The following CPSF2 variants were observed in gnomAD, a reference collection of about 807,000 sequenced individuals.
CPSF2 encodes the protein cleavage and polyadenylation specific factor 2.
In CPSF2, 51 loss-of-function variants were observed where a neutral mutation model predicts 84.2. That is an observed-to-expected ratio of 0.61 (90% CI 0.48 to 0.77). CPSF2 has a LOEUF of 0.77. Ranked by LOEUF, CPSF2 falls within the 30% of genes least tolerant of loss-of-function variation. CPSF2 has a pLI of 0.00. For synonymous variants in CPSF2, 286 were observed against 311.9 expected (o/e 0.92, Z 0.87); for missense variants, 641 against 929.4 (o/e 0.69, Z 4.03).
chr14:92,152,399 G>A (rs2069232203), intron 9 of CPSF2, among the ~76,000 whole-genome samples: 1 of 152,032 alleles, frequency 6.6e-6, no homozygotes, highest in Admixed American at 6.6e-5. Context: ...ACAGTGCTGG[G>A]ATTACAGGTG....
chr14:92,123,450 G>T (rs2068805458), intron 1 of CPSF2, among the ~76,000 whole-genome samples: 4 of 152,072 alleles, frequency 2.6e-5, no homozygotes. Flanking sequence ...CCAGGCTGGA[G>T]TGCAGTGGTG....
chr14:92,138,462 C>T, intron 7 of CPSF2, 115 bp downstream of exon 7: 1 of 493,402 alleles, frequency 2.0e-6, no homozygotes, highest in South Asian at 4.7e-5. Context: ...CGGACTTTCG[C>T]TCTTTCACCC....
At position 92,123,414 on chromosome 14, in the gene CPSF2, T is replaced by C. The variant is rs117853730; in HGVS notation, c.-94+1286T>C. Reference sequence around the variant, plus strand: ...CCACCGCGCCTGGCCGATTTATTATTTGAGACCGGGTCTCGCTCTGTCCAC... The same window carrying C: ...CCACCGCGCCTGGCCGATTTATTATCTGAGACCGGGTCTCGCTCTGTCCAC... On this transcript the variant is annotated intron_variant, in intron 1 of 15. Coordinates refer to ENST00000298875, the MANE Select transcript of CPSF2 (RefSeq NM_017437.3). Among the ~76,000 whole-genome samples the C allele has an allele frequency of 3.2e-4, 49 of 151,756 alleles. 2 individuals are homozygous for C. The East Asian group carries it at 9.1e-3, about 28-fold the overall frequency.
At position 92,156,503 on chromosome 14, in the gene CPSF2, G is replaced by C. The variant is rs202185025; in HGVS notation, c.1467G>C (p.Glu489Asp). ...GACCAGAGGATTTCTTAGTGCCAGA[G>C]CTTCAAGCTACTGAAGAAGAAAAAA... The part of the protein sequence containing the change: ...IIKPEDFLVP[E>D]LQATEEEKSK... The change falls in exon 12 of 16, where the codon GAG (glutamate) becomes GAC (aspartate). Residue 489 changes from glutamate to aspartate, a missense_variant. Coordinates refer to ENST00000298875, the MANE Select transcript of CPSF2 (RefSeq NM_017437.3). 175 of 1,612,302 alleles carry C rather than the reference G, an allele frequency of 1.1e-4. 3 individuals are homozygous for C. In the East Asian group the frequency reaches 3.7e-3, roughly 34 times the overall value.
chr14:92,157,245 T>TGC lies in CPSF2; in HGVS notation c.1596-413_1596-412dup, dbSNP rs961807896. On this transcript the variant is annotated intron_variant, in intron 12 of 15. Coordinates refer to ENST00000298875, the MANE Select transcript of CPSF2 (RefSeq NM_017437.3). The surrounding 1 kb of genome is among the most constrained non-coding windows in gnomAD (Gnocchi z 4.0). ...AGATAGGGCCGGGCACGGTGGCTGATGCCTGTAATCCCAGCACTTTGGTAG... is the reference window on the plus strand; with the variant it reads ...AGATAGGGCCGGGCACGGTGGCTGATGCGCCTGTAATCCCAGCACTTTGGTAG... Among the ~76,000 whole-genome samples, 52 of 152,260 alleles carry TGC rather than the reference T, an allele frequency of 3.4e-4. No individual in the cohort carries two copies. Among genetic ancestry groups the TGC allele is most frequent in the African/African-American group, 1.3e-3 (52 of 41,546 alleles).
At chr14:92,151,718 A>AT (rs1416086270) in intron 9 of CPSF2, among the ~76,000 whole-genome samples, 2 of 152,150 alleles carry the variant, frequency 1.3e-5, no homozygotes, top group Non-Finnish European at 2.9e-5. Flanking sequence ...TGAGCTAGAC[A>AT]TTAAAGAGAT....
At chr14:92,158,431 C>T (rs2069321177) in intron 13 of CPSF2, among the ~76,000 whole-genome samples, 1 of 152,148 alleles carries the variant, frequency 6.6e-6, no homozygotes, top group Non-Finnish European at 1.5e-5. Flanking sequence ...AGAGTGATGT[C>T]TATATCTGGA....
At chr14:92,147,912 A>T (rs2141471314) in intron 9 of CPSF2, among the ~76,000 whole-genome samples, 2 of 152,248 alleles carry the variant, frequency 1.3e-5, no homozygotes, top group Admixed American at 1.3e-4. Context: ...ATTTATAGAG[A>T]TGGGAACTTG....
rs368250294 is a variant in CPSF2 at position 92,161,178 on chromosome 14, C to T, written c.2188C>T (p.Arg730Trp). 22 of 1,613,662 alleles carry T rather than the reference C, an allele frequency of 1.4e-5. No homozygotes were observed. The highest frequency in any genetic ancestry group is 2.2e-5 in the East Asian group (1 of 44,856). ...GTCAGACTTCAAGCAAGTTCTCTTACGGGAGGGGATTCAAGCTGAATTTGT... is the reference window on the plus strand; with the variant it reads ...GTCAGACTTCAAGCAAGTTCTCTTATGGGAGGGGATTCAAGCTGAATTTGT... ...RLSDFKQVLLREGIQAEFVGG... is the reference protein window; with the variant it reads ...RLSDFKQVLLWEGIQAEFVGG... Residue 730 changes from arginine (R) to tryptophan (W), a missense_variant, in exon 15 of 16, where the codon CGG (arginine) becomes TGG (tryptophan). By Grantham distance (101) the Arg-to-Trp change is moderately radical. Coordinates refer to ENST00000298875, the MANE Select transcript of CPSF2 (RefSeq NM_017437.3).
At chr14:92,156,114 C>T (rs1595065797) in intron 11 of CPSF2, among the ~76,000 whole-genome samples, 1 of 152,094 alleles carries the variant, frequency 6.6e-6, no homozygotes, top group Admixed American at 6.5e-5. Flanking sequence ...ATGGTGAAAC[C>T]ACATCTCCAC....
Position 92,169,539 on chromosome 14 carries a change from A to G in CPSF2, c.*7795A>G, listed in dbSNP as rs1202550496. On this transcript the variant is annotated 3_prime_UTR_variant, in exon 16 of 16. Transcript: ENST00000298875. ...TCACCCATAGGTCATGGTATAGTTGAAATTTCATATTTAAATATCAAAACA... is the reference window on the plus strand; with the variant it reads ...TCACCCATAGGTCATGGTATAGTTGGAATTTCATATTTAAATATCAAAACA... The G allele has an allele frequency of 6.6e-6, 1 of 152,196 alleles. No homozygotes were observed. Among genetic ancestry groups the G allele is most frequent in the Non-Finnish European group, 1.5e-5 (1 of 68,028 alleles). The allele number at this position is 152,196 out of a possible 1,614,324, so 9.4% of individuals were successfully genotyped here.
rs1160905152 is a variant in CPSF2, at chr14:92,167,429, G to C, written c.*5685G>C. ...TGTTAGTGCTGAAAGGGACTAGAGA[G>C]CTCATCTAATTCAACCCACTTATTT... On this transcript the variant is annotated 3_prime_UTR_variant, in exon 16 of 16. Transcript: ENST00000298875. The C allele has an allele frequency of 1.3e-5, 2 of 152,144 alleles. No homozygotes were observed. The highest frequency in any genetic ancestry group is 2.9e-5 in the Non-Finnish European group (2 of 68,034). 9.4% of individuals were successfully genotyped at this position (152,144 alleles called of 1,614,324 possible).
Position 92,169,070 on chromosome 14 carries a change from TTC to T in CPSF2, c.*7330_*7331del, listed in dbSNP as rs1051896796. 1.3e-5 allele frequency: 2 copies of T among 151,204 alleles called. No homozygotes were observed. The highest frequency in any genetic ancestry group is 4.8e-5 in the African/African-American group (2 of 41,314). The allele number at this position is 151,204 out of a possible 1,614,324, so 9.4% of individuals were successfully genotyped here. A position where few individuals can be genotyped will look rare whatever the true frequency, so the allele number is the denominator to read the frequency against. Reference sequence around the variant, plus strand: ...CAATGTATCATAGGTGTTTTCTTTTTTCTCTGACAATTGTTATGTTAAAAACA... The same window carrying T: ...CAATGTATCATAGGTGTTTTCTTTTTTCTGACAATTGTTATGTTAAAAACA... On this transcript the variant is annotated 3_prime_UTR_variant, in exon 16 of 16. Coordinates refer to ENST00000298875, the MANE Select transcript of CPSF2 (RefSeq NM_017437.3).
chr14:92,127,703 C>T (rs772870103), intron 2 of CPSF2, among the ~76,000 whole-genome samples: 42 of 152,064 alleles, frequency 2.8e-4, no homozygotes, highest in Admixed American at 7.2e-4. Context: ...GGGGAAAGAG[C>T]GAATGACTGA....
In CPSF2 at chr14:92,121,989, T is replaced by C; in HGVS notation, c.-233T>C. ...CCGCCGCTAGTCTCCAGCTCCAAAA[T>C]GGCGGCTGCCACTGTGGGGCTTCTG... On this transcript the variant is annotated 5_prime_UTR_variant, in exon 1 of 16. It removes an upstream start codon present in the reference 5' UTR. Coordinates refer to ENST00000298875, the MANE Select transcript of CPSF2 (RefSeq NM_017437.3). The C allele has an allele frequency of 4.2e-6, 3 of 712,744 alleles. No individual in the cohort carries two copies. The highest frequency in any genetic ancestry group is 2.7e-5 in the East Asian group (1 of 36,870). The allele number at this position is 712,744 out of a possible 1,614,324, so 44.2% of individuals were successfully genotyped here.
rs541576452 is a variant in CPSF2, at chr14:92,122,042, C to T, written c.-180C>T. ...GGCCGGTAGTCCCTGGCGCTGCTGA[C>T]CCAGCATCGGCTTTTCTACGTCTTG... is the stretch of plus-strand genomic sequence containing the variant. On this transcript the variant is annotated 5_prime_UTR_variant, in exon 1 of 16. Coordinates refer to ENST00000298875, the MANE Select transcript of CPSF2 (RefSeq NM_017437.3). The T allele has an allele frequency of 8.7e-6, 5 of 577,270 alleles. No individual in the cohort carries two copies. Among genetic ancestry groups the T allele is most frequent in the South Asian group, 8.0e-5 (4 of 50,288 alleles). The allele number at this position is 577,270 out of a possible 1,614,324, so 35.8% of individuals were successfully genotyped here. A position where few individuals can be genotyped will look rare whatever the true frequency, so the allele number is the denominator to read the frequency against.
At chr14:92,122,302 G>T (rs554294140) in intron 1 of CPSF2, 174 bp downstream of exon 1, 1 of 216,790 alleles carries the variant, frequency 4.6e-6, no homozygotes, top group East Asian at 1.2e-4. Flanking sequence ...GAGGGAAAGA[G>T]AAGTGACTTC....
chr14:92,138,198 T>TA lies in CPSF2; in HGVS notation c.546-33dup, dbSNP rs766182771. 38 of 1,085,974 alleles carry TA rather than the reference T, an allele frequency of 3.5e-5. No individual in the cohort carries two copies. The East Asian group carries it at 9.5e-4, about 27-fold the overall frequency. 67.3% of individuals were successfully genotyped at this position (1,085,974 alleles called of 1,614,324 possible). Reference sequence around the variant, plus strand: ...AGCTATTATTGTTTACTTGAAATGATATAAAATATTCCTCTTCTTAAACTT... The same window carrying TA: ...AGCTATTATTGTTTACTTGAAATGATAATAAAATATTCCTCTTCTTAAACTT... On this transcript the variant is annotated intron_variant, in intron 6 of 15. Coordinates refer to ENST00000298875, the MANE Select transcript of CPSF2 (RefSeq NM_017437.3).
At chr14:92,145,165 T>C (rs2069127535) in intron 9 of CPSF2, among the ~76,000 whole-genome samples, 1 of 152,222 alleles carries the variant, frequency 6.6e-6, no homozygotes, top group East Asian at 1.9e-4. Context: ...AACCTTAACA[T>C]AGAACTGTAA....
Sources: allele counts gnomAD v4.1 joint callset (sites outside exome capture counted in the v4.1 genomes callset), GRCh38; gene constraint gnomAD v4.1.1; non-coding constraint Gnocchi (gnomAD v3.1); transcripts MANE v1.5; gene names NCBI Gene and HGNC (gene_info 2026-07-23, HGNC 2026-07-21).